RSBN1L: variants seen among roughly 807,000 people sequenced by gnomAD.
RSBN1L encodes the protein round spermatid basic protein 1 like.
Under a neutral mutation model 67.7 loss-of-function variants are expected in RSBN1L, and 30 were observed. The observed-to-expected ratio is 0.44, with a 90% CI of 0.33 to 0.60. The LOEUF is 0.60. Ranked by LOEUF, RSBN1L falls within the 20% of genes least tolerant of loss-of-function variation. RSBN1L has a pLI of 0.02. For synonymous variants in RSBN1L, 433 were observed against 387.0 expected, an observed-to-expected ratio of 1.12 and a Z score of -1.39; for missense variants, 992 against 1,031.7, an observed-to-expected ratio of 0.96 and a Z score of 0.53.
chr7:77,703,477 G>GTTTTTTTTTTTTTTTTTTTTTTTTTTT, intron 1 of RSBN1L, among the ~76,000 whole-genome samples: 1 of 61,574 alleles, frequency 1.6e-5, no homozygotes, highest in Non-Finnish European at 2.8e-5. Context: ...TACTGTTTGG[G>GTTTTTTTTTTTTTTTTTTTTTTTTTTT]TTTTTTTTTT....
intron 6 of RSBN1L, among the ~76,000 whole-genome samples, chr7:77,775,318 T>TG: frequency 6.6e-6 from 1 of 152,194 alleles, no homozygotes; most frequent in East Asian, 1.9e-4. Flanking sequence ...GTAGATCACT[T>TG]GAAGTTAGGA....
intron 1 of RSBN1L, among the ~76,000 whole-genome samples, chr7:77,701,957 C>T (rs1011379899): frequency 6.8e-6 from 1 of 146,994 alleles, no homozygotes; most frequent in African/African-American, 2.5e-5. Context: ...CTGGCCTTGA[C>T]TGAATTTTAA....
At chr7:77,768,483 G>GT (rs1029726620) in intron 4 of RSBN1L, 178 bp from the exon 5 acceptor site, 3 of 586,534 alleles carry the variant, frequency 5.1e-6, no homozygotes, top group Non-Finnish European at 8.9e-6. Context: ...GTTTGAAACA[G>GT]TTTTTTGAAG....
chr7:77,742,676 A>G (rs1329734624), intron 2 of RSBN1L, among the ~76,000 whole-genome samples: 3 of 152,176 alleles, frequency 2.0e-5, no homozygotes, highest in African/African-American at 4.8e-5. Context: ...CGATTCCACT[A>G]AAAATACAAA....
At chr7:77,748,235 C>A (rs1029270920) in intron 2 of RSBN1L, among the ~76,000 whole-genome samples, 1 of 152,020 alleles carries the variant, frequency 6.6e-6, no homozygotes, top group African/African-American at 2.4e-5. Context: ...GGATGAGAGA[C>A]AGTTATGCAG....
chr7:77,712,447 A>G (rs1790987929), intron 1 of RSBN1L, among the ~76,000 whole-genome samples: 4 of 151,970 alleles, frequency 2.6e-5, no homozygotes, highest in South Asian at 2.1e-4. Flanking sequence ...TGACTGGCTA[A>G]TTTTTGTATA....
chr7:77,758,978 T>G (rs7789228), intron 3 of RSBN1L, among the ~76,000 whole-genome samples: 18,870 of 152,204 alleles, frequency 0.12, 1,240 homozygotes, highest in African/African-American at 0.15. Context: ...AATCTTATTT[T>G]TATTGTATTG....
intron 2 of RSBN1L, among the ~76,000 whole-genome samples, chr7:77,742,665 C>G (rs184533987): frequency 6.6e-6 from 1 of 152,150 alleles, no homozygotes; most frequent in African/African-American, 2.4e-5. Flanking sequence ...TGGTGAAACC[C>G]CGATTCCACT....
intron 5 of RSBN1L, among the ~76,000 whole-genome samples, chr7:77,769,064 G>A (rs1463885081): frequency 6.6e-6 from 1 of 152,174 alleles, no homozygotes; most frequent in African/African-American, 2.4e-5. Flanking sequence ...TAGAATAAAT[G>A]TAATATTCAG....
chr7:77,710,510 G>T (rs1790958065), intron 1 of RSBN1L, among the ~76,000 whole-genome samples: 1 of 152,066 alleles, frequency 6.6e-6, no homozygotes, highest in Non-Finnish European at 1.5e-5. Context: ...AACTTGAGAG[G>T]GAGGCCTGTG....
chr7:77,711,398 G>A (rs1790972174), intron 1 of RSBN1L, among the ~76,000 whole-genome samples: 1 of 150,504 alleles, frequency 6.6e-6, no homozygotes, highest in Non-Finnish European at 1.5e-5. Flanking sequence ...GGAGTGCAGT[G>A]GCTTGATTAT....
intron 1 of RSBN1L, among the ~76,000 whole-genome samples, chr7:77,727,654 C>T (rs1791224624): frequency 6.7e-6 from 1 of 149,746 alleles, no homozygotes; most frequent in Admixed American, 6.7e-5. Flanking sequence ...CCTGTAGAGA[C>T]AAGGCCTCAC....
At chr7:77,776,897 A>C (rs1346486461) in intron 6 of RSBN1L, among the ~76,000 whole-genome samples, 1 of 151,692 alleles carries the variant, frequency 6.6e-6, no homozygotes, top group Non-Finnish European at 1.5e-5. Context: ...TAGATTATTT[A>C]TATTTAATAG....
chr7:77,726,367 C>T (rs184314588), intron 1 of RSBN1L, among the ~76,000 whole-genome samples: 22 of 152,222 alleles, frequency 1.4e-4, no homozygotes, highest in Admixed American at 1.2e-3. Flanking sequence ...AGACTTCCAT[C>T]GCTTTTAATG....
At chr7:77,699,729 G>GT (rs528352442) in intron 1 of RSBN1L, among the ~76,000 whole-genome samples, 338 of 152,152 alleles carry the variant, frequency 2.2e-3, no homozygotes, top group Non-Finnish European at 2.7e-3. Flanking sequence ...GCTGACTTGC[G>GT]TGATAGCTTG....
rs376749582 is a variant in RSBN1L at position 77,696,569 on chromosome 7, C to T, written c.100C>T (p.Arg34Trp). 2 of 1,614,122 alleles carry T rather than the reference C, an allele frequency of 1.2e-6. No individual in the cohort carries two copies. The highest frequency in any genetic ancestry group is 1.7e-6 in the Non-Finnish European group (2 of 1,180,016). ...EPFGKLQLSS[R>W]DPPGSLSAKK... ...GTTTGGCAAGCTGCAACTCTCCTCCCGGGACCCTCCGGGTTCTCTGTCCGC... is the reference window on the plus strand; with the variant it reads ...GTTTGGCAAGCTGCAACTCTCCTCCTGGGACCCTCCGGGTTCTCTGTCCGC... Residue 34 changes from arginine to tryptophan, a missense_variant, in exon 1 of 8, where the codon CGG (arginine) becomes TGG (tryptophan). Physicochemically the swap from Arg to Trp is moderately radical, Grantham distance 101. Coordinates refer to ENST00000334955, the MANE Select transcript of RSBN1L (RefSeq NM_198467.3).
chr7:77,767,999 C>T (rs753713221), intron 4 of RSBN1L, among the ~76,000 whole-genome samples: 4 of 149,960 alleles, frequency 2.7e-5, no homozygotes, highest in East Asian at 3.9e-4. Flanking sequence ...TACAGGTGCG[C>T]GCCACCATGC....
At chr7:77,734,924 C>T (rs1253184553) in intron 1 of RSBN1L, among the ~76,000 whole-genome samples, 1 of 151,944 alleles carries the variant, frequency 6.6e-6, no homozygotes, top group East Asian at 1.9e-4. Context: ...TATATGTGAA[C>T]AGATAAGGAG....
chr7:77,737,843 T>C (rs1791357246), intron 2 of RSBN1L, among the ~76,000 whole-genome samples: 1 of 152,046 alleles, frequency 6.6e-6, no homozygotes, highest in African/African-American at 2.4e-5. Flanking sequence ...GCCGATGTGG[T>C]GAAACCTCGT....
Sources: allele counts gnomAD v4.1 joint callset (sites outside exome capture counted in the v4.1 genomes callset), GRCh38; gene constraint gnomAD v4.1.1; transcripts MANE v1.5; gene names NCBI Gene and HGNC (gene_info 2026-07-23, HGNC 2026-07-21).